GDI2: variants seen among roughly 807,000 people sequenced by gnomAD.
GDI2 encodes GDP dissociation inhibitor 2.
GDI2 carries 22 observed loss-of-function variants against 54.2 expected under a neutral mutation model. The ratio of observed to expected loss-of-function variants is 0.41; its 90% CI spans 0.29 to 0.58. The LOEUF is 0.58. Among genes scored for constraint, GDI2 ranks in the 20% least tolerant of loss-of-function variants. The probability of loss-of-function intolerance (pLI) is 0.35; values close to 1 mark genes in which losing one functional copy is unlikely to be tolerated. For synonymous variants in GDI2, 177 were observed against 182.1 expected, an observed-to-expected ratio of 0.97 and a Z score of 0.23; for missense variants, 422 against 546.0, an observed-to-expected ratio of 0.77 and a Z score of 2.26.
rs920925554 is a variant in GDI2, at chr10:5,774,801, TTG to T, written c.720-862_720-861del. Among the ~76,000 whole-genome samples the T allele has an allele frequency of 6.6e-6, 1 of 152,242 alleles. No individual in the cohort carries two copies. Among genetic ancestry groups the T allele is most frequent in the East Asian group, 1.9e-4 (1 of 5,184 alleles). The stretch of plus-strand genomic sequence containing the variant: ...ACACTGTCTATTCTCCTGTTTTTCC[TTG>T]TGTGTGTGTTCTAAAATGGCCTTGT... On this transcript the variant is annotated intron_variant, in intron 6 of 10. Coordinates refer to ENST00000380191, the MANE Select transcript of GDI2 (RefSeq NM_001494.4). The surrounding 1 kb of genome is among the most constrained non-coding windows in gnomAD (Gnocchi z 4.8).
intron 6 of GDI2, among the ~76,000 whole-genome samples, chr10:5,782,483 A>C (rs1840780660): frequency 6.6e-6 from 1 of 152,244 alleles, no homozygotes; most frequent in Non-Finnish European, 1.5e-5. Context: ...ACCCAAAAGG[A>C]AATGAAAACC....
intron 1 of GDI2, among the ~76,000 whole-genome samples, chr10:5,812,782 G>C (rs1841503948): frequency 6.6e-6 from 1 of 152,198 alleles, no homozygotes; most frequent in Admixed American, 6.5e-5. Flanking sequence ...CCGGGGCAGC[G>C]GCCGAGGCGG....
intron 4 of GDI2, among the ~76,000 whole-genome samples, chr10:5,793,410 C>T (rs1019838690): frequency 3.9e-5 from 6 of 152,214 alleles, no homozygotes; most frequent in African/African-American, 1.4e-4. Flanking sequence ...CCCATGATTA[C>T]ACTACTAACT....
intron 4 of GDI2, among the ~76,000 whole-genome samples, chr10:5,786,485 A>C (rs1195986503): frequency 1.3e-5 from 2 of 152,148 alleles, no homozygotes; most frequent in East Asian, 3.9e-4. Context: ...GCAATTTAAG[A>C]TATGGGAGTT....
rs537537983 is a variant in GDI2, at chr10:5,776,306, A to G, written c.720-2365T>C. The stretch of plus-strand genomic sequence containing the variant: ...AAAGACTGAAAGCCCAGCAGAACAT[A>G]GGATGTAGCTGCCCATCTCACAAAC... On this transcript the variant is annotated intron_variant, in intron 6 of 10. Transcript: ENST00000380191. The surrounding 1 kb of genome is among the most constrained non-coding windows in gnomAD (Gnocchi z 5.3). 7 of 592,600 alleles carry G rather than the reference A, an allele frequency of 1.2e-5. No homozygotes were observed. In the East Asian group the frequency reaches 1.9e-4, roughly 16 times the overall value. The allele number at this position is 592,600 out of a possible 1,614,324, so 36.7% of individuals were successfully genotyped here.
Position 5,765,754 on chromosome 10 carries a change from G to GT in GDI2, c.*251dup, listed in dbSNP as rs1277537072. 1 of 368,658 alleles carries GT rather than the reference G, an allele frequency of 2.7e-6. No homozygotes were observed. The highest frequency in any genetic ancestry group is 5.1e-5 in the East Asian group (1 of 19,604). The allele number at this position is 368,658 out of a possible 1,614,324, so 22.8% of individuals were successfully genotyped here. A position where few individuals can be genotyped will look rare whatever the true frequency, so the allele number is the denominator to read the frequency against. On this transcript the variant is annotated 3_prime_UTR_variant, in exon 11 of 11. Coordinates refer to ENST00000380191, the MANE Select transcript of GDI2 (RefSeq NM_001494.4). ...TGTCTGTGTCGGTATCCCAATGTTT[G>GT]TTTAACTTCACTAGAAAAAAAAAAA...
intron 8 of GDI2, among the ~76,000 whole-genome samples, chr10:5,767,505 T>C (rs1840378081): frequency 6.6e-6 from 1 of 152,106 alleles, no homozygotes; most frequent in Non-Finnish European, 1.5e-5. Context: ...TTTTTGTTTT[T>C]GTAGAGACGA....
chr10:5,784,845 T>C (rs914486489), intron 6 of GDI2, among the ~76,000 whole-genome samples: 2 of 152,210 alleles, frequency 1.3e-5, no homozygotes, highest in Non-Finnish European at 2.9e-5. Flanking sequence ...GGGTGTGAAG[T>C]AGATTCTGTG....
intron 6 of GDI2, 33 bp downstream of exon 6, chr10:5,785,109 T>G: frequency 6.6e-7 from 1 of 1,514,954 alleles, no homozygotes; most frequent in East Asian, 2.3e-5. Context: ...GATGAGGTTT[T>G]GGATCACTGA....
At chr10:5,799,631 G>A (rs567143430) in intron 2 of GDI2, among the ~76,000 whole-genome samples, 2 of 152,318 alleles carry the variant, frequency 1.3e-5, no homozygotes, top group South Asian at 2.1e-4. Flanking sequence ...CAGCCTGGGC[G>A]GCAGAGCAAG....
chr10:5,785,476 G>C (rs995308709), intron 5 of GDI2, among the ~76,000 whole-genome samples: 1 of 152,248 alleles, frequency 6.6e-6, no homozygotes, highest in African/African-American at 2.4e-5. Flanking sequence ...CCAGGCTCAA[G>C]TGATTCTTCT....
At chr10:5,803,291 G>A (rs1278194467) in intron 1 of GDI2, among the ~76,000 whole-genome samples, 1 of 152,116 alleles carries the variant, frequency 6.6e-6, no homozygotes, top group Non-Finnish European at 1.5e-5. Flanking sequence ...GTGTGGTGGT[G>A]AGCACCTGTA....
chr10:5,785,111 G>A (rs10795547), intron 6 of GDI2, 31 bp downstream of exon 6: 896,754 of 1,511,290 alleles, frequency 0.59, 272,305 homozygotes, highest in Middle Eastern at 0.67. Flanking sequence ...TGAGGTTTTG[G>A]ATCACTGAGG....
chr10:5,797,326 C>G (rs960046839), intron 2 of GDI2, among the ~76,000 whole-genome samples: 1 of 152,020 alleles, frequency 6.6e-6, no homozygotes, highest in Non-Finnish European at 1.5e-5. Flanking sequence ...GCGGGTGGAT[C>G]AGGAGGTCAG....
intron 4 of GDI2, among the ~76,000 whole-genome samples, chr10:5,790,398 C>T (rs775691463): frequency 3.3e-5 from 5 of 151,548 alleles, no homozygotes. Flanking sequence ...AATCCCAGCA[C>T]GTTGGGAGAA....
intron 7 of GDI2, among the ~76,000 whole-genome samples, chr10:5,772,291 A>G (rs1379586804): frequency 6.6e-6 from 1 of 152,258 alleles, no homozygotes; most frequent in Non-Finnish European, 1.5e-5. Flanking sequence ...ATACCTGAGA[A>G]TTAAGTTAGC....
At chr10:5,782,277 T>C (rs1341594287) in intron 6 of GDI2, among the ~76,000 whole-genome samples, 2 of 152,182 alleles carry the variant, frequency 1.3e-5, no homozygotes, top group African/African-American at 4.8e-5. Flanking sequence ...TGAGATAGCA[T>C]TTCACACCCA....
At position 5,813,322 on chromosome 10, in the gene GDI2, T is replaced by C. The variant is rs1841515978; in HGVS notation, c.-64A>G. The C allele has an allele frequency of 1.6e-6, 2 of 1,246,540 alleles. No individual in the cohort carries two copies. The highest frequency in any genetic ancestry group is 3.9e-5 in the Admixed American group (2 of 51,384). The allele number at this position is 1,246,540 out of a possible 1,614,324, so 77.2% of individuals were successfully genotyped here. On this transcript the variant is annotated 5_prime_UTR_variant, in exon 1 of 11. Coordinates refer to ENST00000380191, the MANE Select transcript of GDI2 (RefSeq NM_001494.4). ...AGGCGCAGGGGCTCCGTGACCACCC[T>C]ACGAGGCTGGGAGGCGCTCTTGGGC...
chr10:5,807,036 T>C (rs191155562), intron 1 of GDI2, among the ~76,000 whole-genome samples: 17 of 152,290 alleles, frequency 1.1e-4, no homozygotes, highest in Admixed American at 1.0e-3. Flanking sequence ...AAGGCACCAC[T>C]TGGAGCAAAT....
Sources: allele counts gnomAD v4.1 joint callset (sites outside exome capture counted in the v4.1 genomes callset), GRCh38; gene constraint gnomAD v4.1.1; non-coding constraint Gnocchi (gnomAD v3.1); transcripts MANE v1.5; gene names NCBI Gene and HGNC (gene_info 2026-07-23, HGNC 2026-07-21).